The following MDM2 variants were observed in gnomAD, a reference collection of about 807,000 sequenced individuals.
The protein encoded by MDM2 is MDM2 proto-oncogene, also known as E3 ubiquitin-protein ligase Mdm2.
In MDM2, 11 loss-of-function variants were observed where a neutral mutation model predicts 64.3. The observed-to-expected ratio is 0.17, with a 90% CI of 0.11 to 0.28. MDM2 has a LOEUF of 0.28. MDM2 is among the 10% of genes least tolerant of loss of function. MDM2 has a pLI of 1.00. For synonymous variants in MDM2, 194 were observed against 192.9 expected, an observed-to-expected ratio of 1.01 and a Z score of -0.05; for missense variants, 388 against 577.1, an observed-to-expected ratio of 0.67 and a Z score of 3.36.
intron 4 of MDM2, 102 bp downstream of exon 4, chr12:68,817,047 A>G (rs1320874341): frequency 9.5e-6 from 13 of 1,362,908 alleles, no homozygotes; most frequent in East Asian, 2.6e-5. Context: ...GTTGAAACAT[A>G]TTAAAGACAT....
Position 68,841,889 on chromosome 12 carries a change from G to A in MDM2, c.*2040G>A, listed in dbSNP as rs558423268. On this transcript the variant is annotated 3_prime_UTR_variant, in exon 11 of 11. Coordinates refer to ENST00000258149, the MANE Select transcript of MDM2 (RefSeq NM_002392.6). The stretch of plus-strand genomic sequence containing the variant: ...ACCTCTTGACTTCCTCTCAAGCTCC[G>A]TGTTTGGTCAGTGGAGGCCCATCCG... 568 of 221,726 alleles carry A rather than the reference G, an allele frequency of 2.6e-3. 5 individuals are homozygous for A. The highest frequency in any genetic ancestry group is 0.012 in the African/African-American group (537 of 44,608). 13.7% of individuals were successfully genotyped at this position (221,726 alleles called of 1,614,324 possible). A position where few individuals can be genotyped will look rare whatever the true frequency, so the allele number is the denominator to read the frequency against.
chr12:68,812,868 C>T (rs1238490495), intron 2 of MDM2, among the ~76,000 whole-genome samples: 2 of 152,080 alleles, frequency 1.3e-5, no homozygotes, highest in African/African-American at 4.8e-5. Context: ...AAAATACTTA[C>T]AGTCTGGCTC....
chr12:68,811,920 A>G (rs1200099814), intron 2 of MDM2, among the ~76,000 whole-genome samples: 1 of 151,288 alleles, frequency 6.6e-6, no homozygotes, highest in Non-Finnish European at 1.5e-5. Flanking sequence ...TAATTTTTGT[A>G]TATTTAATAG....
chr12:68,835,670 C>T (rs1326356986), intron 8 of MDM2, among the ~76,000 whole-genome samples, 159 bp from the exon 9 acceptor site: 1 of 152,222 alleles, frequency 6.6e-6, no homozygotes, highest in Non-Finnish European at 1.5e-5. Context: ...GTCTTCTGCC[C>T]GCCGATCTCC....
intron 2 of MDM2, among the ~76,000 whole-genome samples, chr12:68,810,586 C>T (rs917761005): frequency 1.3e-5 from 2 of 151,734 alleles, no homozygotes; most frequent in Non-Finnish European, 2.9e-5. Context: ...CTCAGCCTCC[C>T]GAGTAGCTGG....
chr12:68,826,000 T>C (rs1327715644), intron 7 of MDM2, among the ~76,000 whole-genome samples: 1 of 152,330 alleles, frequency 6.6e-6, no homozygotes, highest in South Asian at 2.1e-4. Flanking sequence ...ATTTGAAAGA[T>C]AGTCACTTTA....
chr12:68,826,044 G>T (rs1882289293), intron 7 of MDM2, among the ~76,000 whole-genome samples: 1 of 152,164 alleles, frequency 6.6e-6, no homozygotes, highest in Non-Finnish European at 1.5e-5. Context: ...TACATAAAAA[G>T]TCTTCCCAAA....
intron 8 of MDM2, among the ~76,000 whole-genome samples, chr12:68,829,374 A>G (rs1882608958): frequency 6.6e-6 from 1 of 152,214 alleles, no homozygotes; most frequent in African/African-American, 2.4e-5. Context: ...AATATATTTT[A>G]TTACAGCCAT....
In MDM2 at chr12:68,843,093, G is replaced by GT. The variant is rs760108963; in HGVS notation, c.*3257dup. 6,705 of 192,774 alleles carry GT rather than the reference G, an allele frequency of 0.035. 27 individuals are homozygous for GT. The highest frequency in any genetic ancestry group is 0.054 in the Middle Eastern group (32 of 598). The allele number at this position is 192,774 out of a possible 1,614,324, so 11.9% of individuals were successfully genotyped here. A position where few individuals can be genotyped will look rare whatever the true frequency, so the allele number is the denominator to read the frequency against. On this transcript the variant is annotated 3_prime_UTR_variant, in exon 11 of 11. Coordinates refer to ENST00000258149, the MANE Select transcript of MDM2 (RefSeq NM_002392.6). The stretch of plus-strand genomic sequence containing the variant: ...GTGCCTTTTGCAATTTGTTGTGTGG[G>GT]TTTTTTTTTTTTTAAAGCCACACAA...
chr12:68,845,947 C>G (rs1025540555), downstream of MDM2: 1 of 151,618 alleles, frequency 6.6e-6, no homozygotes, highest in Admixed American at 6.6e-5. Context: ...CCCCCACCTC[C>G]CCCGACCCCG....
chr12:68,825,309 G>A (rs1269371873), intron 7 of MDM2, among the ~76,000 whole-genome samples: 1 of 152,128 alleles, frequency 6.6e-6, no homozygotes, highest in Non-Finnish European at 1.5e-5. Context: ...TTAATAAATG[G>A]TAGTACATAC....
At chr12:68,823,976 G>A (rs1882087692) in intron 5 of MDM2, among the ~76,000 whole-genome samples, 1 of 152,104 alleles carries the variant, frequency 6.6e-6, no homozygotes, top group Non-Finnish European at 1.5e-5. Flanking sequence ...TTTGCTTTTG[G>A]ATACTTTTTC....
rs1250935167 is a variant in MDM2 at position 68,845,303 on chromosome 12, CTT to C, written c.*5458_*5459del. ...AGCTTTCAATTATATGTAAGAGGGA[CTT>C]TTTGACATTTACAAATAATACTTTG... On this transcript the variant is annotated 3_prime_UTR_variant, in exon 11 of 11. Coordinates refer to ENST00000258149, the MANE Select transcript of MDM2 (RefSeq NM_002392.6). The C allele has an allele frequency of 9.4e-6, 2 of 213,284 alleles. No individual in the cohort carries two copies. Among genetic ancestry groups the C allele is most frequent in the Non-Finnish European group, 1.9e-5 (2 of 105,626 alleles). The allele number at this position is 213,284 out of a possible 1,614,324, so 13.2% of individuals were successfully genotyped here.
intron 2 of MDM2, among the ~76,000 whole-genome samples, chr12:68,811,606 T>TTC (rs974521296): frequency 1.4e-5 from 2 of 147,824 alleles, no homozygotes; most frequent in Non-Finnish European, 3.0e-5. Flanking sequence ...TACAGATTTT[T>TTC]TTTTTTTTTT....
At chr12:68,833,552 T>A (rs1034344612) in intron 8 of MDM2, among the ~76,000 whole-genome samples, 24 of 151,112 alleles carry the variant, frequency 1.6e-4, no homozygotes, top group African/African-American at 5.8e-4. Context: ...TGGTATTTTT[T>A]ATAGTATTTT....
chr12:68,836,100 G>A, intron 9 of MDM2, 116 bp downstream of exon 9: 1 of 945,238 alleles, frequency 1.1e-6, no homozygotes, highest in Non-Finnish European at 1.5e-6. Flanking sequence ...TTTACCTCTT[G>A]ATTTGTTTAA....
intron 8 of MDM2, among the ~76,000 whole-genome samples, chr12:68,830,756 A>G (rs1226595064): frequency 6.6e-6 from 1 of 152,182 alleles, no homozygotes; most frequent in Non-Finnish European, 1.5e-5. Flanking sequence ...GCTGGAGTGC[A>G]GTGGTGCAAT....
At chr12:68,827,647 G>A (rs1592587876) in intron 7 of MDM2, among the ~76,000 whole-genome samples, 1 of 152,104 alleles carries the variant, frequency 6.6e-6, no homozygotes, top group Non-Finnish European at 1.5e-5. Flanking sequence ...TTTGTTATAG[G>A]TACTTGAATG....
intron 4 of MDM2, among the ~76,000 whole-genome samples, chr12:68,817,995 T>C (rs912051312): frequency 6.6e-6 from 1 of 152,046 alleles, no homozygotes; most frequent in Admixed American, 6.6e-5. Flanking sequence ...GGTTTCACGA[T>C]GTTGACCAGG....
Sources: gnomAD v4.1 joint callset for allele counts (sites outside exome capture counted in the v4.1 genomes callset) on GRCh38, gnomAD v4.1.1 for gene constraint, MANE v1.5 for transcripts, NCBI Gene and HGNC (gene_info 2026-07-23, HGNC 2026-07-21) for gene names.